Variants in TRMT44 observed in about 807,000 individuals in gnomAD.
TRMT44 encodes probable tRNA (uracil-O(2)-)-methyltransferase.
Under a neutral mutation model 77.3 loss-of-function variants are expected in TRMT44, and 78 were observed. The observed-to-expected ratio is 1.01, with a 90% confidence interval of 0.84 to 1.22. TRMT44 has a LOEUF of 1.22. Among genes scored for constraint, TRMT44 ranks in the 50% most tolerant of loss-of-function variants. TRMT44 has a pLI of 0.00. For missense variants in TRMT44, 1,090 were observed against 964.4 expected (o/e 1.13, Z -1.73); for synonymous variants, 391 against 383.3 (o/e 1.02, Z -0.23).
Position 8,476,000 on chromosome 4 carries a change from G to A in TRMT44, c.2273G>A (p.Ter758=), listed in dbSNP as rs746699610. ...ACCACCCCGAGGAAGAAGATTTCAT[G>A]AGCTGCATCCTTGCCAGCCGAGGCC... The part of the protein sequence containing the change: ...PRTTPRKKIS[*] The change falls in exon 11 of 11, where the codon TGA becomes TAA. Residue 758 remains the stop codon, a stop_retained_variant. Transcript: ENST00000389737. The A allele has an allele frequency of 1.2e-6, 2 of 1,613,564 alleles. No homozygotes were observed. Among genetic ancestry groups the A allele is most frequent in the Non-Finnish European group, 8.5e-7 (1 of 1,179,836 alleles).
Position 8,444,456 on chromosome 4 carries a change from G to A in TRMT44, c.620-2020G>A, listed in dbSNP as rs1724939650. 6.6e-6 allele frequency among the ~76,000 whole-genome samples: 1 copy of A among 151,088 alleles called. No individual in the cohort carries two copies. ...TCTGTGGCCCAGGCTAGAGTGCAGT[G>A]GTGTGATTTCAGCTCACTGCAACCT... On this transcript the variant is annotated intron_variant, in intron 1 of 10. Coordinates refer to ENST00000389737, the MANE Select transcript of TRMT44 (RefSeq NM_152544.3). This position sits in a 1 kb window ranked among gnomAD's most constrained non-coding sequence, Gnocchi z 4.0.
intron 2 of TRMT44, among the ~76,000 whole-genome samples, chr4:8,492,151 G>A (rs184574061): frequency 6.6e-6 from 1 of 152,266 alleles, no homozygotes; most frequent in Non-Finnish European, 1.5e-5. Context: ...ATTTGCTGTG[G>A]CAAGTAAATC....
chr4:8,473,849 G>T (rs1304904118), intron 10 of TRMT44, among the ~76,000 whole-genome samples: 2 of 152,148 alleles, frequency 1.3e-5, no homozygotes, highest in African/African-American at 4.8e-5. Context: ...AGGGGCGGCC[G>T]GGAGCTACCT....
chr4:8,465,456 TAAG>T lies in TRMT44; in HGVS notation c.1394_1396del (p.Lys465del). On this transcript the variant is annotated inframe_deletion, in exon 8 of 11. Coordinates refer to ENST00000389737, the MANE Select transcript of TRMT44 (RefSeq NM_152544.3). Reference sequence around the variant, plus strand: ...TTGGAAGATACTCCCGGAGGCAGAGTAAGAAGACTCAGTACCGGGAATACCTTG... The same window carrying T: ...TTGGAAGATACTCCCGGAGGCAGAGTAAGACTCAGTACCGGGAATACCTTG... The T allele has an allele frequency of 6.2e-7, 1 of 1,614,124 alleles. No homozygotes were observed. The highest frequency in any genetic ancestry group is 8.5e-7 in the Non-Finnish European group (1 of 1,180,006).
intron 3 of TRMT44, 51 bp downstream of exon 3, chr4:8,449,939 C>CTTTTA (rs1725320346): frequency 1.5e-4 from 56 of 383,100 alleles, no homozygotes; most frequent in Non-Finnish European, 1.7e-4. Flanking sequence ...ATTTTCTTTT[C>CTTTTA]TTTTCTTTTC....
intron 2 of TRMT44, 34 bp from the exon 3 acceptor site, chr4:8,449,635 T>C (rs1279617913): frequency 1.4e-6 from 2 of 1,428,414 alleles, no homozygotes; most frequent in Non-Finnish European, 1.9e-6. Flanking sequence ...ATTGAACATA[T>C]CTGTGCTTAT....
intron 10 of TRMT44, among the ~76,000 whole-genome samples, chr4:8,473,085 G>A (rs746249855): frequency 3.0e-4 from 46 of 152,244 alleles, no homozygotes; most frequent in Non-Finnish European, 6.3e-4. Context: ...ACTATGCTCT[G>A]AAGCTGGGTC....
At position 8,476,240 on chromosome 4, in the gene TRMT44, G is replaced by A. The variant is rs1046619272; in HGVS notation, c.*239G>A. 8 of 574,806 alleles carry A rather than the reference G, an allele frequency of 1.4e-5. No individual in the cohort carries two copies. Among genetic ancestry groups the A allele is most frequent in the African/African-American group, 5.6e-5 (3 of 53,404 alleles). The allele number at this position is 574,806 out of a possible 1,614,324, so 35.6% of individuals were successfully genotyped here. ...TGTTTCAGATGCAGCCGCTTGAAAC[G>A]TGCGCAGCATCTTCATATCATAAAG... On this transcript the variant is annotated 3_prime_UTR_variant, in exon 11 of 11. Transcript: ENST00000389737.
chr4:8,485,849 A>G lies in TRMT44; in HGVS notation n.3891+6316A>G, dbSNP rs531461763. The stretch of plus-strand genomic sequence containing the variant: ...GTGGGGGAGTTTTCAGGGGTTTTGA[A>G]GCTTGGCTGTCAATACCCACAACAG... On this transcript the variant is annotated intron_variant and non_coding_transcript_variant, in intron 2 of 2. Coordinates refer to the TRMT44 transcript ENST00000511366. Among the ~76,000 whole-genome samples, 432 of 152,276 alleles carry G rather than the reference A, an allele frequency of 2.8e-3. 1 individual carries two copies. Among genetic ancestry groups the G allele is most frequent in the African/African-American group, 9.7e-3 (404 of 41,546 alleles).
rs1288126823 is a variant in TRMT44, at chr4:8,441,324, G to C, written c.502G>C (p.Gly168Arg). 9 of 1,535,444 alleles carry C rather than the reference G, an allele frequency of 5.9e-6. No homozygotes were observed. The highest frequency in any genetic ancestry group is 2.0e-5 in the Admixed American group (1 of 50,928). ...SELLAFLTSS[G>R]AGSQPEAQRE... The stretch of plus-strand genomic sequence containing the variant: ...GTTGCTGGCCTTCCTCACCAGCTCC[G>C]GGGCGGGATCGCAGCCAGAGGCGCA... Residue 168 changes from glycine (G) to arginine (R), a missense_variant, in exon 1 of 11, where the codon GGG becomes CGG. Gly to Arg is a moderately radical substitution (Grantham distance 125, BLOSUM62 -2). Transcript: ENST00000389737.
downstream of TRMT44, among the ~76,000 whole-genome samples, chr4:8,496,249 AAAAT>A (rs1402074995): frequency 1.3e-5 from 2 of 152,242 alleles, no homozygotes; most frequent in African/African-American, 2.4e-5. Flanking sequence ...ACTTTTGTTT[AAAAT>A]AAATCTCTGC....
At position 8,461,347 on chromosome 4, in the gene TRMT44, G is replaced by A. The variant is rs999576176; in HGVS notation, c.1204-2638G>A. On this transcript the variant is annotated intron_variant, in intron 6 of 10. Transcript: ENST00000389737. The surrounding 1 kb of genome is among the most constrained non-coding windows in gnomAD (Gnocchi z 4.6). Reference sequence around the variant, plus strand: ...AGACTCTCACACATGTCCCAGAATCGGGCTCTAAACTTGGCTATGAAGTTA... The same window carrying A: ...AGACTCTCACACATGTCCCAGAATCAGGCTCTAAACTTGGCTATGAAGTTA... 2.6e-5 allele frequency among the ~76,000 whole-genome samples: 4 copies of A among 152,082 alleles called. No homozygotes were observed. Among genetic ancestry groups the A allele is most frequent in the African/African-American group, 4.8e-5 (2 of 41,388 alleles).
chr4:8,481,413 G>T (rs549945168), downstream of TRMT44, among the ~76,000 whole-genome samples: 1 of 152,174 alleles, frequency 6.6e-6, no homozygotes, highest in African/African-American at 2.4e-5. Flanking sequence ...CATGGGCCAT[G>T]GTCACTCATA....
At chr4:8,478,212 C>T (rs904398352), downstream of TRMT44, 3 of 152,852 alleles carry the variant, frequency 2.0e-5, no homozygotes, top group Non-Finnish European at 4.4e-5. Flanking sequence ...GGCGGTGGCC[C>T]TGGGGAAGAT....
intron 1 of TRMT44, 104 bp downstream of exon 1, chr4:8,441,545 C>T: frequency 3.8e-6 from 5 of 1,328,170 alleles, no homozygotes; most frequent in Non-Finnish European, 4.9e-6. Context: ...TCTGCGATGT[C>T]CTAGGGAGGT....
chr4:8,449,720 C>T lies in TRMT44; in HGVS notation c.786C>T (p.Ile262=). Residue 262 remains isoleucine (I), a synonymous_variant, in exon 3 of 11, where the codon ATC becomes ATT. Transcript: ENST00000389737. ...CAGAAAGATGGCATTCAGATGGAATCGTGTATCCCAAACCCACGTGGCTTG... is the reference window on the plus strand; with the variant it reads ...CAGAAAGATGGCATTCAGATGGAATTGTGTATCCCAAACCCACGTGGCTTG... ...FCPERWHSDG[I]VYPKPTWLGE... is the part of the protein sequence containing the mutation. The T allele has an allele frequency of 5.9e-6, 9 of 1,535,992 alleles. No homozygotes were observed. The highest frequency in any genetic ancestry group is 1.4e-5 in the African/African-American group (1 of 73,136).
At position 8,476,239 on chromosome 4, in the gene TRMT44, CG is replaced by C; in HGVS notation, c.*239del. 7 of 575,708 alleles carry C rather than the reference CG, an allele frequency of 1.2e-5. No individual in the cohort carries two copies. Among genetic ancestry groups the C allele is most frequent in the Non-Finnish European group, 2.2e-5 (7 of 322,496 alleles). The allele number at this position is 575,708 out of a possible 1,614,324, so 35.7% of individuals were successfully genotyped here. A position where few individuals can be genotyped will look rare whatever the true frequency, so the allele number is the denominator to read the frequency against. ...TTGTTTCAGATGCAGCCGCTTGAAACGTGCGCAGCATCTTCATATCATAAAG... is the reference window on the plus strand; with the variant it reads ...TTGTTTCAGATGCAGCCGCTTGAAACTGCGCAGCATCTTCATATCATAAAG... On this transcript the variant is annotated 3_prime_UTR_variant, in exon 11 of 11. Transcript: ENST00000389737.
intron 8 of TRMT44, among the ~76,000 whole-genome samples, chr4:8,466,976 G>A (rs1019282448): frequency 3.9e-5 from 6 of 152,202 alleles, no homozygotes; most frequent in Non-Finnish European, 7.3e-5. Context: ...CTTATCACCC[G>A]CGCCTGGCCT....
At chr4:8,511,980 G>A in the TRMT44 span, 1 of 152,160 alleles carries the variant, frequency 6.6e-6, no homozygotes, top group East Asian at 1.9e-4. Context: ...CCCTGCAATA[G>A]ATCCCTTTAA....
Sources: allele counts gnomAD v4.1 joint callset (sites outside exome capture counted in the v4.1 genomes callset), GRCh38; gene constraint gnomAD v4.1.1; non-coding constraint Gnocchi (gnomAD v3.1); transcripts MANE v1.5; gene names NCBI Gene and HGNC (gene_info 2026-07-23, HGNC 2026-07-21).